The following USH2A variants were observed in gnomAD, a reference collection of about 807,000 sequenced individuals.
The protein encoded by USH2A is usherin, also known as Usher syndrome 2A (autosomal recessive, mild).
Under a neutral mutation model 538.9 loss-of-function variants are expected in USH2A, and 443 were observed. The ratio of observed to expected loss-of-function variants is 0.82; its 90% CI spans 0.76 to 0.89. The LOEUF is 0.89. USH2A is among the 40% of genes least tolerant of loss of function. The probability of loss-of-function intolerance (pLI) is 0.00; values close to 1 mark genes in which losing one functional copy is unlikely to be tolerated. For missense variants in USH2A, 6,633 were observed against 6,324.8 expected, an observed-to-expected ratio of 1.05 and a Z score of -1.65; for synonymous variants, 2,413 against 2,273.5, an observed-to-expected ratio of 1.06 and a Z score of -1.75.
At chr1:216,247,572 T>C (rs1459379634) in intron 12 of USH2A, among the ~76,000 whole-genome samples, 1 of 152,164 alleles carries the variant, frequency 6.6e-6, no homozygotes, top group Non-Finnish European at 1.5e-5. Flanking sequence ...AAAATTATAG[T>C]AGAATTACAT....
At chr1:215,652,606 A>T (rs970523527) in intron 64 of USH2A, among the ~76,000 whole-genome samples, 1 of 152,040 alleles carries the variant, frequency 6.6e-6, no homozygotes, top group Non-Finnish European at 1.5e-5. Context: ...TACACTAGGG[A>T]GGGGAGGTGG....
At chr1:216,302,469 T>C (rs2102624338) in intron 9 of USH2A, among the ~76,000 whole-genome samples, 1 of 152,284 alleles carries the variant, frequency 6.6e-6, no homozygotes, top group African/African-American at 2.4e-5. Flanking sequence ...TGTTTATCCT[T>C]CAATGACATA....
rs1338358003 is a variant in USH2A at position 215,970,780 on chromosome 1, G to A, written c.6806-4C>T. ...AATCCATAACTCGTGATAACACCTG[G>A]GAAGATAATAATTGCCTTTCAGTAT... On this transcript the variant is annotated splice_region_variant and splice_polypyrimidine_tract_variant and intron_variant, in intron 35 of 71. Transcript: ENST00000307340. 1.2e-6 allele frequency: 2 copies of A among 1,612,972 alleles called. No homozygotes were observed. Among genetic ancestry groups the A allele is most frequent in the African/African-American group, 2.7e-5 (2 of 74,842 alleles).
intron 27 of USH2A, 60 bp from the exon 28 acceptor site, chr1:216,073,360 T>C (rs76916412): frequency 2.6e-5 from 40 of 1,565,214 alleles, no homozygotes; most frequent in Non-Finnish European, 2.6e-6. Flanking sequence ...TTACCAATCA[T>C]TTTTGTCCTC....
chr1:215,844,226 A>C, intron 46 of USH2A, 68 bp downstream of exon 46: 1 of 1,497,590 alleles, frequency 6.7e-7, no homozygotes, highest in Non-Finnish European at 9.2e-7. Context: ...TATCCACTTG[A>C]AGACATAGCC....
intron 3 of USH2A, among the ~76,000 whole-genome samples, chr1:216,404,852 G>C (rs181174194): frequency 6.6e-6 from 1 of 152,050 alleles, no homozygotes; most frequent in African/African-American, 2.4e-5. Flanking sequence ...TCAAACTCCA[G>C]AGCTCAACTG....
At chr1:216,362,117 CAT>C (rs201727983) in intron 4 of USH2A, among the ~76,000 whole-genome samples, 5,943 of 152,180 alleles carry the variant, frequency 0.039, 173 homozygotes, top group Middle Eastern at 0.11. Context: ...ATCTTGCATA[CAT>C]GTTTTATTTT....
At chr1:215,630,429 T>A (rs1489072118) in intron 70 of USH2A, among the ~76,000 whole-genome samples, 1 of 148,790 alleles carries the variant, frequency 6.7e-6, no homozygotes, top group Non-Finnish European at 1.5e-5. Flanking sequence ...TATATATGTG[T>A]GTGTGTATAT....
chr1:215,799,107 T>C lies in USH2A; in HGVS notation c.9758A>G (p.Asp3253Gly). ...RILPGEVCCPDEQHNRVSVGI... is the reference protein window; with the variant it reads ...RILPGEVCCPGEQHNRVSVGI... ...AACAGAAACCCGATTGTGCTGTTCATCTGGACAGCATACTTCACCTGTCAA... is the reference window on the plus strand; with the variant it reads ...AACAGAAACCCGATTGTGCTGTTCACCTGGACAGCATACTTCACCTGTCAA... Residue 3253 changes from aspartate to glycine, a missense_variant, in exon 50 of 72, where the codon GAT (aspartate) becomes GGT (glycine). Transcript: ENST00000307340. The C allele has an allele frequency of 6.2e-7, 1 of 1,613,868 alleles. No individual in the cohort carries two copies. The highest frequency in any genetic ancestry group is 1.1e-5 in the South Asian group (1 of 91,054).
intron 37 of USH2A, among the ~76,000 whole-genome samples, chr1:215,950,657 C>T (rs750255991): frequency 6.6e-6 from 1 of 151,932 alleles, no homozygotes; most frequent in Non-Finnish European, 1.5e-5. Flanking sequence ...AGGCTCCTAC[C>T]ACCATGTCCG....
chr1:216,086,779 T>A lies in USH2A; in HGVS notation c.4927A>T (p.Asn1643Tyr), dbSNP rs1254058084. 2.5e-6 allele frequency: 4 copies of A among 1,613,054 alleles called. No homozygotes were observed. Among genetic ancestry groups the A allele is most frequent in the Admixed American group, 1.7e-5 (1 of 59,902 alleles). Residue 1643 changes from asparagine to tyrosine, a missense_variant, in exon 24 of 72, where the codon AAC (asparagine) becomes TAC (tyrosine). By Grantham distance (143) the Asn-to-Tyr change is moderately radical (BLOSUM62 -2). Transcript: ENST00000307340. ...ILNGSTVIGD[N>Y]TGVFLGGLPR... Reference sequence around the variant, plus strand: ...AGCCCTCCCAGAAAGACTCCTGTGTTATCTCCAATAACAGTACTACCATTC... The same window carrying A: ...AGCCCTCCCAGAAAGACTCCTGTGTAATCTCCAATAACAGTACTACCATTC...
chr1:216,331,803 A>G (rs1213861848), intron 4 of USH2A, among the ~76,000 whole-genome samples: 1 of 152,168 alleles, frequency 6.6e-6, no homozygotes, highest in African/African-American at 2.4e-5. Context: ...CAATGTATAT[A>G]GGTAAAAACT....
At chr1:215,916,043 G>A (rs1371478254) in intron 38 of USH2A, among the ~76,000 whole-genome samples, 4 of 117,994 alleles carry the variant, frequency 3.4e-5, no homozygotes, top group African/African-American at 9.5e-5. Flanking sequence ...GTTGTGGGGT[G>A]GGGGGAGGGG....
chr1:216,220,214 C>T (rs1423704907), intron 14 of USH2A, among the ~76,000 whole-genome samples: 1 of 151,878 alleles, frequency 6.6e-6, no homozygotes, highest in Non-Finnish European at 1.5e-5. Context: ...TGACATTTCT[C>T]TTTGTACACC....
At chr1:215,982,643 A>G (rs1423342972) in intron 35 of USH2A, among the ~76,000 whole-genome samples, 2 of 152,156 alleles carry the variant, frequency 1.3e-5, no homozygotes, top group African/African-American at 4.8e-5. Flanking sequence ...CTGGATTTAG[A>G]TTTGGTTTCT....
intron 37 of USH2A, among the ~76,000 whole-genome samples, chr1:215,958,356 G>A (rs1667120174): frequency 6.6e-6 from 1 of 152,092 alleles, no homozygotes; most frequent in South Asian, 2.1e-4. Context: ...CCAGGAGAAG[G>A]TAAGCCTATT....
chr1:216,267,448 T>C (rs1354534510), intron 11 of USH2A, among the ~76,000 whole-genome samples: 1 of 151,998 alleles, frequency 6.6e-6, no homozygotes, highest in African/African-American at 2.4e-5. Flanking sequence ...CATGAGACCA[T>C]CGCCACAGAA....
intron 61 of USH2A, among the ~76,000 whole-genome samples, chr1:215,726,461 G>A (rs1485331094): frequency 1.3e-5 from 2 of 152,062 alleles, no homozygotes; most frequent in African/African-American, 2.4e-5. Flanking sequence ...TGAGGACAGT[G>A]GGAAAACATT....
At chr1:216,303,714 A>T (rs1474475835) in intron 9 of USH2A, among the ~76,000 whole-genome samples, 1 of 151,932 alleles carries the variant, frequency 6.6e-6, no homozygotes, top group Non-Finnish European at 1.5e-5. Context: ...AGTCATCTCT[A>T]TTTATTATAG....
Sources: gnomAD v4.1 joint callset for allele counts (sites outside exome capture counted in the v4.1 genomes callset) on GRCh38, gnomAD v4.1.1 for gene constraint, MANE v1.5 for transcripts, NCBI Gene and HGNC (gene_info 2026-07-23, HGNC 2026-07-21) for gene names.